CCSER1: variants seen among roughly 807,000 people sequenced by gnomAD.
CCSER1 encodes the protein serine-rich coiled-coil domain-containing protein 1.
Under a neutral mutation model 82.0 loss-of-function variants are expected in CCSER1, and 41 were observed. The observed-to-expected ratio is 0.50, with a 90% CI of 0.39 to 0.65. The LOEUF is 0.65. CCSER1 is among the 30% of genes least tolerant of loss of function. The pLI is 0.00. For synonymous variants in CCSER1, 414 were observed against 383.9 expected (o/e 1.08, Z -0.92); for missense variants, 1,119 against 1,064.2 (o/e 1.05, Z -0.72).
chr4:90,936,803 A>C (rs1043915821), intron 9 of CCSER1, among the ~76,000 whole-genome samples: 2 of 152,174 alleles, frequency 1.3e-5, no homozygotes, highest in Admixed American at 6.6e-5. Context: ...AATGGCAGGC[A>C]TCTTCTTAAT....
chr4:90,918,187 T>C (rs529062810), intron 8 of CCSER1: 1 of 450,568 alleles, frequency 2.2e-6, no homozygotes, highest in African/African-American at 2.0e-5. Flanking sequence ...CTAGTGTCTG[T>C]TAATTGTATT....
intron 9 of CCSER1, among the ~76,000 whole-genome samples, chr4:91,029,995 TTTC>T (rs1370724239): frequency 7.7e-6 from 1 of 130,138 alleles, no homozygotes; most frequent in African/African-American, 2.5e-5. Context: ...GAACTTGATA[TTTC>T]TTATCTATTA....
At chr4:91,523,207 C>A (rs1760586958) in intron 10 of CCSER1, among the ~76,000 whole-genome samples, 1 of 152,172 alleles carries the variant, frequency 6.6e-6, no homozygotes, top group South Asian at 2.1e-4. Flanking sequence ...ACCAGCCTTG[C>A]ATCCCAGAAA....
At chr4:90,332,305 T>G (rs1739452003) in intron 3 of CCSER1, among the ~76,000 whole-genome samples, 1 of 151,928 alleles carries the variant, frequency 6.6e-6, no homozygotes, top group South Asian at 2.1e-4. Flanking sequence ...GGCTTGATTT[T>G]GGCTCACTGC....
At chr4:90,594,919 A>T (rs1783146802) in intron 5 of CCSER1, among the ~76,000 whole-genome samples, 1 of 152,054 alleles carries the variant, frequency 6.6e-6, no homozygotes, top group African/African-American at 2.4e-5. Flanking sequence ...GGAAGCATTG[A>T]GGATTTAGAT....
chr4:91,262,194 T>C (rs977523521), intron 10 of CCSER1, among the ~76,000 whole-genome samples: 1 of 148,976 alleles, frequency 6.7e-6, no homozygotes, highest in Non-Finnish European at 1.5e-5. Flanking sequence ...AGGTTGTGGC[T>C]CTGAAACCTT....
chr4:91,023,388 G>T (rs1356230846), intron 9 of CCSER1, among the ~76,000 whole-genome samples: 39 of 152,080 alleles, frequency 2.6e-4, no homozygotes, highest in Admixed American at 2.6e-3. Context: ...GAGACATCAC[G>T]CTACCTGACT....
intron 10 of CCSER1, among the ~76,000 whole-genome samples, chr4:91,554,069 T>A (rs571915544): frequency 6.7e-6 from 1 of 148,526 alleles, no homozygotes; most frequent in African/African-American, 2.5e-5. Context: ...TCTGTAAGTT[T>A]TGGTATATTG....
chr4:90,959,330 C>A, intron 9 of CCSER1, among the ~76,000 whole-genome samples: 1 of 152,210 alleles, frequency 6.6e-6, no homozygotes, highest in Middle Eastern at 3.4e-3. Context: ...TGTGATTATT[C>A]TATTTCTTGG....
chr4:90,889,289 A>G (rs942785895), intron 8 of CCSER1, among the ~76,000 whole-genome samples: 1 of 152,162 alleles, frequency 6.6e-6, no homozygotes, highest in Non-Finnish European at 1.5e-5. Flanking sequence ...AGCCTTAATT[A>G]TCTACTGGGT....
chr4:90,989,792 T>TA (rs899171581), intron 9 of CCSER1, among the ~76,000 whole-genome samples: 5 of 150,666 alleles, frequency 3.3e-5, no homozygotes, highest in East Asian at 3.9e-4. Flanking sequence ...TGAAAACCAC[T>TA]AAAAAAAAGC....
At chr4:90,572,561 C>A (rs548805794) in intron 5 of CCSER1, among the ~76,000 whole-genome samples, 1 of 151,152 alleles carries the variant, frequency 6.6e-6, no homozygotes, top group East Asian at 1.9e-4. Flanking sequence ...AATAACATAT[C>A]TTTGAGCGCA....
In CCSER1 at chr4:91,481,365, C is replaced by A. The variant is rs191457831; in HGVS notation, c.2218-117207C>A. On this transcript the variant is annotated intron_variant, in intron 10 of 10. Transcript: ENST00000509176. ...TGGCTATCTTCTCTCTGTGTTCTCA[C>A]GTGATCTTTCCTCTGTAGTTGCGCA... 6.6e-5 allele frequency among the ~76,000 whole-genome samples: 10 copies of A among 152,116 alleles called. No individual in the cohort carries two copies. In the East Asian group the frequency reaches 1.9e-3, roughly 30 times the overall value.
chr4:90,592,506 A>G (rs979195048), intron 5 of CCSER1, among the ~76,000 whole-genome samples: 1 of 152,150 alleles, frequency 6.6e-6, no homozygotes, highest in African/African-American at 2.4e-5. Context: ...TTTGTGCTCA[A>G]TTTTGGGACT....
In CCSER1 at chr4:91,310,745, A is replaced by C. The variant is rs533144402; in HGVS notation, c.2217+224751A>C. On this transcript the variant is annotated intron_variant, in intron 10 of 10. Transcript: ENST00000509176. Reference sequence around the variant, plus strand: ...ACAGGAGGTAATAGTATTGCCTTGAAATAAAAGTCTAATCTGATCTTGTCA... The same window carrying C: ...ACAGGAGGTAATAGTATTGCCTTGACATAAAAGTCTAATCTGATCTTGTCA... Among the ~76,000 whole-genome samples the C allele has an allele frequency of 1.4e-4, 22 of 152,062 alleles. No homozygotes were observed. The East Asian group carries it at 4.3e-3, about 30-fold the overall frequency.
intron 10 of CCSER1, among the ~76,000 whole-genome samples, chr4:91,116,445 C>T (rs1726608882): frequency 6.6e-6 from 1 of 152,142 alleles, no homozygotes; most frequent in South Asian, 2.1e-4. Context: ...GAACAAATCC[C>T]TGCTAGGTAA....
At chr4:90,965,997 G>A (rs1419979819) in intron 9 of CCSER1, among the ~76,000 whole-genome samples, 1 of 151,998 alleles carries the variant, frequency 6.6e-6, no homozygotes, top group Non-Finnish European at 1.5e-5. Flanking sequence ...GGACTCAACA[G>A]TATATTTGAG....
At chr4:90,683,551 G>A (rs1446797654) in intron 6 of CCSER1, among the ~76,000 whole-genome samples, 1 of 151,994 alleles carries the variant, frequency 6.6e-6, no homozygotes, top group Non-Finnish European at 1.5e-5. Context: ...AAAAGAACTT[G>A]CAAAAGAAAT....
chr4:90,869,229 T>G (rs1023340979), intron 8 of CCSER1, among the ~76,000 whole-genome samples: 2 of 152,072 alleles, frequency 1.3e-5, no homozygotes, highest in African/African-American at 4.8e-5. Flanking sequence ...CTATTTTTGC[T>G]TTAGTTACCT....
Sources: allele counts gnomAD v4.1 joint callset (sites outside exome capture counted in the v4.1 genomes callset), GRCh38; gene constraint gnomAD v4.1.1; transcripts MANE v1.5; gene names NCBI Gene and HGNC (gene_info 2026-07-23, HGNC 2026-07-21).